CROT: variants seen among roughly 807,000 people sequenced by gnomAD.
CROT encodes peroxisomal carnitine O-octanoyltransferase.
CROT carries 84 observed loss-of-function variants against 89.2 expected under a neutral mutation model. That is an observed-to-expected ratio of 0.94 (90% CI 0.79 to 1.13). CROT has a LOEUF of 1.13. Ranked by LOEUF, CROT falls within the 50% of genes most tolerant of loss-of-function variation. The pLI, the probability that CROT is intolerant of heterozygous loss-of-function variation, is 0.00. For missense variants in CROT, 711 were observed against 727.8 expected, an observed-to-expected ratio of 0.98 and a Z score of 0.27; for synonymous variants, 212 against 239.5, an observed-to-expected ratio of 0.89 and a Z score of 1.06.
intron 10 of CROT, among the ~76,000 whole-genome samples, chr7:87,379,897 T>C (rs1444372890): frequency 6.6e-6 from 1 of 152,102 alleles, no homozygotes; most frequent in East Asian, 1.9e-4. Flanking sequence ...GAGGATTTGA[T>C]TCCAGCAGTT....
At chr7:87,346,191 C>T (rs546065911) in intron 1 of CROT, 149 bp from the exon 2 acceptor site, 1 of 151,224 alleles carries the variant, frequency 6.6e-6, no homozygotes, top group South Asian at 2.1e-4. Context: ...AGCAGGTGGA[C>T]TATTTGCGTG....
rs1387572292 is a variant in CROT at position 87,376,259 on chromosome 7, CA to C, written c.876+307del. Among the ~76,000 whole-genome samples the C allele has an allele frequency of 4.6e-5, 7 of 152,162 alleles. No homozygotes were observed. The East Asian group carries it at 1.2e-3, about 25-fold the overall frequency. Reference sequence around the variant, plus strand: ...GCCTACTCAGAAAATTTACACAGAGCACTAGGTTAATGAGCTTTTCTTGCCA... The same window carrying C: ...GCCTACTCAGAAAATTTACACAGAGCCTAGGTTAATGAGCTTTTCTTGCCA... On this transcript the variant is annotated intron_variant, in intron 9 of 17. Coordinates refer to ENST00000331536, the MANE Select transcript of CROT (RefSeq NM_021151.4).
intron 3 of CROT, among the ~76,000 whole-genome samples, chr7:87,354,026 T>G (rs144118318): frequency 1.3e-5 from 2 of 152,318 alleles, no homozygotes; most frequent in African/African-American, 4.8e-5. Flanking sequence ...GCAATAAGAC[T>G]AAGTCAGAGA....
intron 3 of CROT, among the ~76,000 whole-genome samples, chr7:87,358,346 G>A (rs1006746806): frequency 1.3e-5 from 2 of 151,180 alleles, no homozygotes; most frequent in African/African-American, 4.8e-5. Context: ...GCCAGGAGTG[G>A]TGGCGGGCGC....
Position 87,375,897 on chromosome 7 carries a change from C to T in CROT, c.820C>T (p.Leu274=), listed in dbSNP as rs772826233. The change falls in exon 9 of 18, where the codon CTG becomes TTG. Residue 274 remains leucine (L), a synonymous_variant. Coordinates refer to ENST00000331536, the MANE Select transcript of CROT (RefSeq NM_021151.4). ...ALLEKIQSSL[L]VYSMEDSSPH... is the part of the protein sequence containing the mutation. ...GTTAGAAAAAATTCAGAGTAGTTTA[C>T]TGGTATATTCCATGGAGGATAGCAG... The T allele has an allele frequency of 6.2e-6, 10 of 1,612,978 alleles. No homozygotes were observed. The highest frequency in any genetic ancestry group is 4.0e-5 in the African/African-American group (3 of 74,834).
intron 13 of CROT, among the ~76,000 whole-genome samples, chr7:87,388,781 C>A (rs1442706180): frequency 6.6e-6 from 1 of 152,064 alleles, no homozygotes; most frequent in Non-Finnish European, 1.5e-5. Flanking sequence ...CAAATGGGAT[C>A]TAATTAAACT....
intron 3 of CROT, among the ~76,000 whole-genome samples, chr7:87,353,099 G>C (rs189672623): frequency 6.6e-6 from 1 of 152,230 alleles, no homozygotes; most frequent in East Asian, 1.9e-4. Context: ...ACTTGATAAG[G>C]ACCCTTTTAA....
chr7:87,396,136 T>C (rs890287950), intron 17 of CROT, among the ~76,000 whole-genome samples: 4 of 152,088 alleles, frequency 2.6e-5, no homozygotes, highest in Non-Finnish European at 5.9e-5. Flanking sequence ...GATTTCAAGG[T>C]ATGGATGTTG....
At chr7:87,392,857 T>C (rs1420209364) in intron 16 of CROT, 34 bp downstream of exon 16, 2 of 1,609,188 alleles carry the variant, frequency 1.2e-6, no homozygotes, top group African/African-American at 2.7e-5. Flanking sequence ...GCTTCATCAA[T>C]TGGCTTCCTC....
Position 87,361,429 on chromosome 7 carries a change from C to G in CROT, c.280C>G (p.Arg94Gly). ...WWLNVAYLDV[R>G]IPSQLNVNFA... ...GCTGAATGTTGCCTATCTGGATGTT[C>G]GTATACCATCACAATTGAATGTCAA... is the stretch of plus-strand genomic sequence containing the variant. Residue 94 changes from arginine (R) to glycine (G), a missense_variant, in exon 5 of 18, where the codon CGT becomes GGT. Arg to Gly is a moderately radical substitution (Grantham distance 125, BLOSUM62 -2). Coordinates refer to ENST00000331536, the MANE Select transcript of CROT (RefSeq NM_021151.4). 1 of 1,613,884 alleles carries G rather than the reference C, an allele frequency of 6.2e-7. No homozygotes were observed. Among genetic ancestry groups the G allele is most frequent in the African/African-American group, 1.3e-5 (1 of 75,002 alleles).
chr7:87,357,747 G>A (rs767588686), intron 3 of CROT, among the ~76,000 whole-genome samples: 7 of 152,128 alleles, frequency 4.6e-5, no homozygotes, highest in Non-Finnish European at 8.8e-5. Flanking sequence ...ACTAAGCTAC[G>A]TCTACATGTG....
At chr7:87,373,342 T>C (rs1562933601) in intron 7 of CROT, among the ~76,000 whole-genome samples, 1 of 152,142 alleles carries the variant, frequency 6.6e-6, no homozygotes, top group Non-Finnish European at 1.5e-5. Flanking sequence ...TTTACAGATA[T>C]ATAATTTGCA....
rs574289020 is a variant in CROT at position 87,383,742 on chromosome 7, G to A, written c.1301+1199G>A. Among the ~76,000 whole-genome samples the A allele has an allele frequency of 2.7e-3, 417 of 151,996 alleles. 1 individual carries two copies. Among genetic ancestry groups the A allele is most frequent in the African/African-American group, 9.5e-3 (392 of 41,470 alleles). ...TAACTCCTGAGCTCAGGTGATCTGC[G>A]TGCCTTGGCCTCCCAAAGTGCTGGG... On this transcript the variant is annotated intron_variant, in intron 13 of 17. Coordinates refer to ENST00000331536, the MANE Select transcript of CROT (RefSeq NM_021151.4).
At chr7:87,358,117 T>TTGTAATAAAGTATAGGTGAC (rs1806144389) in intron 3 of CROT, among the ~76,000 whole-genome samples, 1 of 152,156 alleles carries the variant, frequency 6.6e-6, no homozygotes, top group Non-Finnish European at 1.5e-5. Context: ...TTATCTAGAC[T>TTGTAATAAAGTATAGGTGAC]TGTAATAAAG....
intron 4 of CROT, chr7:87,359,683 T>C: frequency 9.5e-7 from 1 of 1,051,800 alleles, no homozygotes. Context: ...TCAGAAACAC[T>C]AAAATAGACA....
In CROT at chr7:87,359,218, C is replaced by T. The variant is rs781707966; in HGVS notation, c.128C>T (p.Ala43Val). Reference sequence around the variant, plus strand: ...TTTTCCTTTCTAGTGAAACCATTTGCAAATCAAGAAGAATATAAGAAAACT... The same window carrying T: ...TTTTCCTTTCTAGTGAAACCATTTGTAAATCAAGAAGAATATAAGAAAACT... ...KKYLESVKPF[A>V]NQEEYKKTEE... The change falls in exon 4 of 18, where the codon GCA (alanine) becomes GTA (valine). Residue 43 changes from alanine to valine, a missense_variant. Ala to Val is a moderately conservative substitution (Grantham distance 64). Transcript: ENST00000331536. The T allele has an allele frequency of 4.4e-6, 7 of 1,579,152 alleles. No individual in the cohort carries two copies. Among genetic ancestry groups the T allele is most frequent in the East Asian group, 2.2e-5 (1 of 44,538 alleles).
At chr7:87,394,819 G>T (rs1659125723) in intron 17 of CROT, among the ~76,000 whole-genome samples, 1 of 152,150 alleles carries the variant, frequency 6.6e-6, no homozygotes, top group South Asian at 2.1e-4. Flanking sequence ...TTTAATGCCA[G>T]CAAAGGATAG....
chr7:87,387,267 A>G (rs1438490574), intron 13 of CROT, among the ~76,000 whole-genome samples: 2 of 151,856 alleles, frequency 1.3e-5, no homozygotes, highest in Admixed American at 1.3e-4. Context: ...TTGCTTTTTT[A>G]TCTAGTCTGA....
chr7:87,361,722 TA>T lies in CROT; in HGVS notation c.423-4del. 6.4e-7 allele frequency: 1 copy of T among 1,568,108 alleles called. No homozygotes were observed. Among genetic ancestry groups the T allele is most frequent in the Non-Finnish European group, 8.6e-7 (1 of 1,162,478 alleles). On this transcript the variant is annotated splice_polypyrimidine_tract_variant and splice_region_variant and intron_variant, in intron 5 of 17. Transcript: ENST00000331536. Reference sequence around the variant, plus strand: ...GACTTTTTGATCAAAATCCTTTTTTTAATAGAGAAAAAGTGCCTGTTCATAA... The same window carrying T: ...GACTTTTTGATCAAAATCCTTTTTTTATAGAGAAAAAGTGCCTGTTCATAA...
Sources: gnomAD v4.1 joint callset for allele counts (sites outside exome capture counted in the v4.1 genomes callset) on GRCh38, gnomAD v4.1.1 for gene constraint, MANE v1.5 for transcripts, NCBI Gene and HGNC (gene_info 2026-07-23, HGNC 2026-07-21) for gene names.